ADAMTSL2: variants seen among roughly 807,000 people sequenced by gnomAD.
The protein encoded by ADAMTSL2 is ADAMTS like 2, also known as ADAMTS-like protein 2.
In ADAMTSL2, 55 loss-of-function variants were observed where a neutral mutation model predicts 117.0. That is an observed-to-expected ratio of 0.47 (90% confidence interval 0.38 to 0.59). The LOEUF (loss-of-function observed/expected upper bound fraction) is 0.59. Among genes scored for constraint, ADAMTSL2 ranks in the 20% least tolerant of loss-of-function variants. The pLI is 0.00. For missense variants in ADAMTSL2, 1,182 were observed against 1,354.5 expected, an observed-to-expected ratio of 0.87 and a Z score of 2.00; for synonymous variants, 572 against 566.4, an observed-to-expected ratio of 1.01 and a Z score of -0.14.
chr9:133,535,727 C>T (rs957376536), intron 1 of ADAMTSL2, among the ~76,000 whole-genome samples: 5 of 152,152 alleles, frequency 3.3e-5, no homozygotes, highest in South Asian at 2.1e-4. Flanking sequence ...GTGCAGGCTG[C>T]GTGGTTTCTG....
chr9:133,555,456 G>C, intron 10 of ADAMTSL2, 102 bp from the exon 11 acceptor site: 1 of 1,480,496 alleles, frequency 6.8e-7, no homozygotes, highest in Non-Finnish European at 9.3e-7. Flanking sequence ...TCTTGGTTCA[G>C]CTTGGTGTTT....
At chr9:133,537,292 G>A (rs1354937396) in intron 2 of ADAMTSL2, 113 bp from the exon 3 acceptor site, 7 of 1,187,210 alleles carry the variant, frequency 5.9e-6, no homozygotes, top group Non-Finnish European at 7.7e-6. Flanking sequence ...GCCCAGCCAG[G>A]GGGCTGTGTC....
intron 12 of ADAMTSL2, among the ~76,000 whole-genome samples, chr9:133,564,393 A>G (rs1305772943): frequency 1.8e-5 from 1 of 56,810 alleles, no homozygotes; most frequent in Non-Finnish European, 4.0e-5. Flanking sequence ...AGGGAGAGAG[A>G]GAGGGAGAGA....
chr9:133,532,192 T>C (rs1829960518), upstream of ADAMTSL2: 1 of 152,138 alleles, frequency 6.6e-6, no homozygotes, highest in Non-Finnish European at 1.5e-5. Flanking sequence ...CCTTCTTTTT[T>C]TTCTCTCTCT....
At chr9:133,536,061 G>A (rs953349611) in intron 1 of ADAMTSL2, among the ~76,000 whole-genome samples, 1 of 152,262 alleles carries the variant, frequency 6.6e-6, no homozygotes, top group South Asian at 2.1e-4. Context: ...ATCGGGAGGC[G>A]GCATAGGTAC....
chr9:133,546,014 G>A (rs1321394507), intron 8 of ADAMTSL2, among the ~76,000 whole-genome samples: 5 of 152,198 alleles, frequency 3.3e-5, no homozygotes, highest in African/African-American at 1.2e-4. Context: ...TATTGCATCA[G>A]GAATTTGGAA....
chr9:133,570,247 G>A lies in ADAMTSL2; in HGVS notation c.2416-84G>A, dbSNP rs573850734. Reference sequence around the variant, plus strand: ...TCACCCAATTGCTATTGACCAGCCCGTTGTCACCAGAGTCGCCGTGGGCCC... The same window carrying A: ...TCACCCAATTGCTATTGACCAGCCCATTGTCACCAGAGTCGCCGTGGGCCC... On this transcript the variant is annotated intron_variant, in intron 16 of 18. Transcript: ENST00000651351. 4.0e-3 allele frequency: 5,916 copies of A among 1,472,050 alleles called. 27 individuals carry two copies. The highest frequency in any genetic ancestry group is 0.011 in the South Asian group (892 of 81,492). 91.2% of individuals were successfully genotyped at this position (1,472,050 alleles called of 1,614,324 possible). A position where few individuals can be genotyped will look rare whatever the true frequency, so the allele number is the denominator to read the frequency against.
At position 133,561,260 on chromosome 9, in the gene ADAMTSL2, C is replaced by T. The variant is rs1020156931; in HGVS notation, c.1712C>T (p.Ser571Leu). Residue 571 changes from serine to leucine, a missense_variant, in exon 12 of 19, where the codon TCG (serine) becomes TTG (leucine). Ser to Leu is a moderately radical substitution (Grantham distance 145). Around this residue, in one of 3 missense-constraint regions of ADAMTSL2, gnomAD observed 465 missense variants for 565.3 expected, o/e 0.82. Coordinates refer to ENST00000651351, the MANE Select transcript of ADAMTSL2 (RefSeq NM_014694.4). ...GCGGACATGTACCGGTGGAAGCTCT[C>T]GTCCCACGAGCCCTGCAGTGCCACC... ...SPADMYRWKLSSHEPCSATCT... is the reference protein window; with the variant it reads ...SPADMYRWKLLSHEPCSATCT... The T allele has an allele frequency of 5.6e-6, 9 of 1,605,430 alleles. No homozygotes were observed. The highest frequency in any genetic ancestry group is 1.3e-5 in the African/African-American group (1 of 74,882).
chr9:133,566,964 C>G lies in ADAMTSL2; in HGVS notation c.1776C>G (p.Val592=). ...TGVMSAYAMC[V]RYDGVEVDDS... The stretch of plus-strand genomic sequence containing the variant: ...TCATGTCTGCGTACGCCATGTGTGT[C>G]CGCTATGATGGCGTCGAGGTGGATG... The change falls in exon 13 of 19, where the codon GTC becomes GTG. Residue 592 remains valine (V), a synonymous_variant. Coordinates refer to ENST00000651351, the MANE Select transcript of ADAMTSL2 (RefSeq NM_014694.4). 1 of 1,610,392 alleles carries G rather than the reference C, an allele frequency of 6.2e-7. No homozygotes were observed. Among genetic ancestry groups the G allele is most frequent in the Non-Finnish European group, 8.5e-7 (1 of 1,178,880 alleles).
chr9:133,558,168 C>A lies in ADAMTSL2; in HGVS notation c.1649+2238C>A, dbSNP rs1830647979. ...CCTGTCAGGGGCCTCAAGGGTCGAT[C>A]AACTAGGCTGTCAGCACTCAGAAAG... On this transcript the variant is annotated intron_variant, in intron 11 of 18. Transcript: ENST00000651351. This position sits in a 1 kb window ranked among gnomAD's most constrained non-coding sequence, Gnocchi z 4.3. 6.6e-6 allele frequency among the ~76,000 whole-genome samples: 1 copy of A among 152,220 alleles called. No individual in the cohort carries two copies. Among genetic ancestry groups the A allele is most frequent in the Non-Finnish European group, 1.5e-5 (1 of 68,044 alleles).
intron 9 of ADAMTSL2, 106 bp downstream of exon 9, chr9:133,547,319 G>A: frequency 8.6e-7 from 1 of 1,165,688 alleles, no homozygotes; most frequent in Admixed American, 2.1e-5. Context: ...CAGGGCCACT[G>A]TGCGCGTGCA....
chr9:133,559,276 G>A (rs1830673400), intron 11 of ADAMTSL2, among the ~76,000 whole-genome samples: 1 of 152,116 alleles, frequency 6.6e-6, no homozygotes, highest in Non-Finnish European at 1.5e-5. Context: ...GGCCCCCATT[G>A]GGGCAGTTTT....
chr9:133,539,930 C>T, intron 5 of ADAMTSL2, 57 bp downstream of exon 5: 1 of 1,501,528 alleles, frequency 6.7e-7, no homozygotes, highest in Non-Finnish European at 9.1e-7. Context: ...TTGGGGGTAG[C>T]CCTTCCGGCA....
chr9:133,560,715 T>C (rs1830707437), intron 11 of ADAMTSL2, among the ~76,000 whole-genome samples: 2 of 152,226 alleles, frequency 1.3e-5, no homozygotes, highest in African/African-American at 4.8e-5. Flanking sequence ...GGATGCCTAG[T>C]GTCCCCCATT....
intron 12 of ADAMTSL2, among the ~76,000 whole-genome samples, chr9:133,563,877 GA>G (rs1426448100): frequency 1.6e-5 from 1 of 61,630 alleles, no homozygotes. Context: ...GAGAGAGAGA[GA>G]GAGAGAGGGA....
At chr9:133,550,856 CT>C (rs1830465780) in intron 9 of ADAMTSL2, among the ~76,000 whole-genome samples, 1 of 152,200 alleles carries the variant, frequency 6.6e-6, no homozygotes, top group Non-Finnish European at 1.5e-5. Context: ...CAAGGCCATT[CT>C]GTCTTCTACT....
At chr9:133,564,609 A>AGG (rs1830907261) in intron 12 of ADAMTSL2, among the ~76,000 whole-genome samples, 12 of 32,758 alleles carry the variant, frequency 3.7e-4, no homozygotes, top group Non-Finnish European at 6.5e-4. Context: ...AGAGAGAGGG[A>AGG]GAGAGAGAGA....
intron 12 of ADAMTSL2, among the ~76,000 whole-genome samples, chr9:133,564,671 AGAGG>A (rs1830917536): frequency 8.4e-6 from 1 of 118,730 alleles, no homozygotes; most frequent in African/African-American, 3.3e-5. Context: ...AGAGAGAGGG[AGAGG>A]GAGAGAGAGA....
rs867095596 is a variant in ADAMTSL2 at position 133,556,204 on chromosome 9, G to T, written c.1649+274G>T. On this transcript the variant is annotated intron_variant, in intron 11 of 18. Transcript: ENST00000651351. Reference sequence around the variant, plus strand: ...TGAGCCCCTATGTGTGCAGCTGATGGGGGGAAGGGAGGCAGGAAGCTAACA... The same window carrying T: ...TGAGCCCCTATGTGTGCAGCTGATGTGGGGAAGGGAGGCAGGAAGCTAACA... 7.8e-3 allele frequency among the ~76,000 whole-genome samples: 1,185 copies of T among 152,356 alleles called. 15 individuals are homozygous for T. The highest frequency in any genetic ancestry group is 0.027 in the African/African-American group (1,123 of 41,580).
Sources: allele counts gnomAD v4.1 joint callset (sites outside exome capture counted in the v4.1 genomes callset), GRCh38; gene constraint gnomAD v4.1.1; regional missense constraint gnomAD v4.1.1; non-coding constraint Gnocchi (gnomAD v3.1); transcripts MANE v1.5; gene names NCBI Gene and HGNC (gene_info 2026-07-23, HGNC 2026-07-21).